The following PCF11 variants were observed in gnomAD, a reference collection of about 807,000 sequenced individuals.
The protein encoded by PCF11 is pre-mRNA cleavage complex 2 protein Pcf11.
In PCF11, 19 loss-of-function variants were observed where a neutral mutation model predicts 166.1. The ratio of observed to expected loss-of-function variants is 0.11; its 90% confidence interval spans 0.08 to 0.17. The LOEUF (loss-of-function observed/expected upper bound fraction) is 0.17. Among genes scored for constraint, PCF11 ranks in the 10% least tolerant of loss-of-function variants. The pLI, the probability that PCF11 is intolerant of heterozygous loss-of-function variation, is 1.00. For synonymous variants in PCF11, 663 were observed against 644.1 expected (o/e 1.03, Z -0.44); for missense variants, 1,565 against 1,855.5 (o/e 0.84, Z 2.88).
chr11:83,176,489 T>C (rs1590934711), intron 9 of PCF11, among the ~76,000 whole-genome samples: 1 of 152,190 alleles, frequency 6.6e-6, no homozygotes, highest in Non-Finnish European at 1.5e-5. Flanking sequence ...ATATACACCA[T>C]GGAGTACTTT....
At chr11:83,183,200 G>A (rs1224775288) in intron 15 of PCF11, 127 bp downstream of exon 15, 8 of 554,870 alleles carry the variant, frequency 1.4e-5, no homozygotes, top group Non-Finnish European at 2.5e-5. Flanking sequence ...TTTGTTTTTT[G>A]ATATAGCATT....
intron 15 of PCF11, 77 bp downstream of exon 15, chr11:83,183,150 G>T: frequency 1.3e-6 from 1 of 775,122 alleles, no homozygotes; most frequent in South Asian, 1.7e-5. Flanking sequence ...TTTTGCATCA[G>T]AGCAATATTG....
At chr11:83,170,136 A>G (rs775203041) in intron 8 of PCF11, 141 bp downstream of exon 8, 1 of 637,382 alleles carries the variant, frequency 1.6e-6, no homozygotes, top group East Asian at 3.1e-5. Context: ...ATGCTAAGGA[A>G]GTGGGATGAG....
In PCF11 at chr11:83,158,666, G is replaced by GT. The variant is rs1424191002; in HGVS notation, c.192+1041dup. On this transcript the variant is annotated intron_variant, in intron 1 of 15. Transcript: ENST00000298281. ...TTTTCAAGCTTGTACTCACGGTTTA[G>GT]TTTTTTCTAGTTGTTAGTGATTGCA... The GT allele has an allele frequency of 5.3e-5, 8 of 152,272 alleles. No homozygotes were observed. In the East Asian group the frequency reaches 1.3e-3, roughly 26 times the overall value. 9.4% of individuals were successfully genotyped at this position (152,272 alleles called of 1,614,324 possible).
At chr11:83,185,648 A>ATG (rs1191807799) in exon 16 of PCF11, 1 of 152,632 alleles carries the variant, frequency 6.6e-6, no homozygotes, top group Non-Finnish European at 1.5e-5. Flanking sequence ...TTTAATGCAG[A>ATG]TGAACATATT....
Position 83,164,203 on chromosome 11 carries a change from A to G in PCF11, c.508-4A>G. 6.3e-7 allele frequency: 1 copy of G among 1,590,372 alleles called. No homozygotes were observed. Among genetic ancestry groups the G allele is most frequent in the Non-Finnish European group, 8.5e-7 (1 of 1,171,962 alleles). ...TTTCTTAAACAAATTGTCTTTTCTT[A>G]TAGCCCGAGGAGCCTTCAACACCTG... On this transcript the variant is annotated splice_region_variant and splice_polypyrimidine_tract_variant and intron_variant, in intron 3 of 15. Transcript: ENST00000298281.
At position 83,159,796 on chromosome 11, in the gene PCF11, G is replaced by A. The variant is rs143955125; in HGVS notation, c.193-1531G>A. ...TGTCCTTATTCTTTAGCTTCTCTGC[G>A]TTACTAAACTTAAAGGATTCACACT... On this transcript the variant is annotated intron_variant, in intron 1 of 15. Transcript: ENST00000298281. Among the ~76,000 whole-genome samples, 10 of 152,220 alleles carry A rather than the reference G, an allele frequency of 6.6e-5. No individual in the cohort carries two copies. The East Asian group carries it at 1.7e-3, about 26-fold the overall frequency.
chr11:83,180,916 T>TA lies in PCF11; in HGVS notation c.3984-91dup, dbSNP rs1396871762. 4 of 660,014 alleles carry TA rather than the reference T, an allele frequency of 6.1e-6. No homozygotes were observed. In the Admixed American group the frequency reaches 1.1e-4, roughly 18 times the overall value. 40.9% of individuals were successfully genotyped at this position (660,014 alleles called of 1,614,324 possible). ...AGCCAGCTCTTGGTTTCACCATTGT[T>TA]ACAGTATGGAAAATTGAAATATTTG... On this transcript the variant is annotated intron_variant, in intron 11 of 15. Coordinates refer to ENST00000298281, the Ensembl canonical transcript of PCF11.
At chr11:83,187,084 A>T (rs575149532) in exon 16 of PCF11, 4 of 152,312 alleles carry the variant, frequency 2.6e-5, no homozygotes, top group Admixed American at 2.6e-4. Flanking sequence ...AGGCTGGATC[A>T]GTGCAGTAGC....
In PCF11 at chr11:83,177,218, T is replaced by C. The variant is rs1198375110; in HGVS notation, c.3877+14T>C. The C allele has an allele frequency of 6.6e-7, 1 of 1,518,174 alleles. No homozygotes were observed. The highest frequency in any genetic ancestry group is 1.4e-5 in the African/African-American group (1 of 71,372). The allele number at this position is 1,518,174 out of a possible 1,614,324, so 94.0% of individuals were successfully genotyped here. ...CAGCTACAACACGTAAGTGTGATTTTATACTTAAATTTACACAAAGCTTCA... is the reference window on the plus strand; with the variant it reads ...CAGCTACAACACGTAAGTGTGATTTCATACTTAAATTTACACAAAGCTTCA... On this transcript the variant is annotated intron_variant, in intron 10 of 15. Transcript: ENST00000298281.
intron 9 of PCF11, 146 bp from the exon 10 acceptor site, chr11:83,176,939 C>A: frequency 2.1e-6 from 1 of 471,206 alleles, no homozygotes; most frequent in Non-Finnish European, 3.6e-6. Context: ...TGAAATTAAA[C>A]TTATTAATAA....
intron 9 of PCF11, among the ~76,000 whole-genome samples, chr11:83,174,886 T>C (rs1344251830): frequency 1.3e-5 from 2 of 152,342 alleles, no homozygotes; most frequent in East Asian, 3.9e-4. Flanking sequence ...GTGAGTTAAA[T>C]GTTACTGTAA....
rs200272966 is a variant in PCF11, at chr11:83,168,827, C to T, written c.2492C>T (p.Pro831Leu). 4.5e-5 allele frequency: 73 copies of T among 1,613,564 alleles called. No individual in the cohort carries two copies. The Admixed American group carries it at 7.2e-4, about 16-fold the overall frequency. The change falls in exon 8 of 16, where the codon CCT (proline) becomes CTT (leucine). Residue 831 changes from proline to leucine, a missense_variant. Pro to Leu is a moderately conservative substitution (Grantham distance 98). This residue lies in a region of PCF11 where 725 missense variants were observed against 749.3 expected (regional missense o/e 0.97). Transcript: ENST00000298281. Reference sequence around the variant, plus strand: ...GGTCCTCCAGGACCAGTGGGGACACCTCTGCGGTTTGAGGGCCCAATTGGT... The same window carrying T: ...GGTCCTCCAGGACCAGTGGGGACACTTCTGCGGTTTGAGGGCCCAATTGGT...
At chr11:83,169,341 A>G (rs1377128345) in exon 8 of PCF11, 5 of 1,613,560 alleles carry the variant, frequency 3.1e-6, no homozygotes, top group South Asian at 1.1e-5. Context: ...TAGTCCAACA[A>G]GGAGGTGGAA....
intron 1 of PCF11, among the ~76,000 whole-genome samples, chr11:83,161,011 C>G (rs528493221): frequency 6.6e-6 from 1 of 152,198 alleles, no homozygotes; most frequent in East Asian, 1.9e-4. Flanking sequence ...GTAATTTTCC[C>G]TCGCCTCCTC....
chr11:83,177,867 A>G (rs1860940703), intron 11 of PCF11, 48 bp downstream of exon 11: 1 of 817,922 alleles, frequency 1.2e-6, no homozygotes, highest in Non-Finnish European at 2.0e-6. Flanking sequence ...GACTTTAATA[A>G]CACTGTTATA....
chr11:83,161,544 G>A, intron 2 of PCF11, 92 bp downstream of exon 2: 2 of 964,080 alleles, frequency 2.1e-6, no homozygotes, highest in Non-Finnish European at 3.0e-6. Flanking sequence ...TTTCTTGGGT[G>A]GTGAAATGTT....
At chr11:83,171,676 G>A (rs1860696805) in intron 8 of PCF11, 142 bp from the exon 9 acceptor site, 1 of 653,356 alleles carries the variant, frequency 1.5e-6, no homozygotes, top group East Asian at 2.7e-5. Flanking sequence ...GAAGTGAAGT[G>A]ATGCAGCCAA....
At chr11:83,163,968 A>G (rs1860354074) in intron 3 of PCF11, 101 bp downstream of exon 3, 1 of 598,580 alleles carries the variant, frequency 1.7e-6, no homozygotes, top group Non-Finnish European at 2.8e-6. Context: ...AATACTCGGT[A>G]GTGAATTGGT....
Sources: gnomAD v4.1 joint callset for allele counts (sites outside exome capture counted in the v4.1 genomes callset) on GRCh38, gnomAD v4.1.1 for gene constraint, gnomAD v4.1.1 regional missense constraint, MANE v1.5 for transcripts, NCBI Gene and HGNC (gene_info 2026-07-23, HGNC 2026-07-21) for gene names.